Variants in THRAP3 observed in about 807,000 individuals in gnomAD.
THRAP3 encodes thyroid hormone receptor associated protein 3, also known as thyroid hormone receptor-associated protein 3.
In THRAP3, 16 loss-of-function variants were observed where a neutral mutation model predicts 101.0. That is an observed-to-expected ratio of 0.16 (90% CI 0.11 to 0.24). The LOEUF (loss-of-function observed/expected upper bound fraction) is 0.24, where lower values mean the gene tolerates loss of function less well. THRAP3 is among the 10% of genes least tolerant of loss of function. THRAP3 has a pLI of 1.00. For synonymous variants in THRAP3, 407 were observed against 422.6 expected, an observed-to-expected ratio of 0.96 and a Z score of 0.45; for missense variants, 989 against 1,202.7, an observed-to-expected ratio of 0.82 and a Z score of 2.63.
chr1:36,299,413 T>G (rs1277406160), intron 9 of THRAP3, among the ~76,000 whole-genome samples: 4 of 151,014 alleles, frequency 2.6e-5, no homozygotes, highest in Admixed American at 1.3e-4. Flanking sequence ...CACTCCAGCC[T>G]GGCGACAGAG....
chr1:36,211,624 G>A, the THRAP3 span, among the ~76,000 whole-genome samples: 1 of 152,118 alleles, frequency 6.6e-6, no homozygotes, highest in Non-Finnish European at 1.5e-5. Context: ...TATTCCTGAG[G>A]GTGGATACCC....
chr1:36,238,772 C>G (rs760517352), intron 1 of THRAP3, among the ~76,000 whole-genome samples: 1 of 151,242 alleles, frequency 6.6e-6, no homozygotes, highest in South Asian at 2.1e-4. Context: ...GTGGTGCAGT[C>G]ATAGCTTACT....
intron 2 of THRAP3, among the ~76,000 whole-genome samples, chr1:36,267,695 G>T (rs1353843992): frequency 9.4e-5 from 1 of 10,592 alleles, no homozygotes; most frequent in African/African-American, 1.2e-4. Context: ...TGATACTAGG[G>T]CTTGAAAGGA....
chr1:36,238,419 G>A (rs1256318970), intron 1 of THRAP3, among the ~76,000 whole-genome samples: 2 of 152,098 alleles, frequency 1.3e-5, no homozygotes, highest in Non-Finnish European at 1.5e-5. Context: ...TTTTTGATTC[G>A]TATCATTTTC....
chr1:36,221,429 G>A (rs1644902204), upstream of THRAP3, among the ~76,000 whole-genome samples: 1 of 151,864 alleles, frequency 6.6e-6, no homozygotes, highest in South Asian at 2.1e-4. Flanking sequence ...AAGAAAGGAA[G>A]AGTAAATGGA....
At chr1:36,207,993 A>G in the THRAP3 span, among the ~76,000 whole-genome samples, 1 of 152,134 alleles carries the variant, frequency 6.6e-6, no homozygotes, top group Non-Finnish European at 1.5e-5. Flanking sequence ...GGGTTTCGCC[A>G]TGTTGGCCCG....
chr1:36,239,263 T>C (rs866343229), intron 1 of THRAP3, among the ~76,000 whole-genome samples: 12,197 of 147,338 alleles, frequency 0.083, 699 homozygotes, highest in Middle Eastern at 0.23. Flanking sequence ...TGGTCTTTTT[T>C]TTTTTTTTTT....
At chr1:36,261,608 C>T (rs1645446824) in intron 2 of THRAP3, among the ~76,000 whole-genome samples, 2 of 152,068 alleles carry the variant, frequency 1.3e-5, no homozygotes, top group Non-Finnish European at 2.9e-5. Context: ...AAGGAAATCC[C>T]AGAGAGACGA....
At chr1:36,224,001 T>C (rs916705112), upstream of THRAP3, among the ~76,000 whole-genome samples, 3 of 152,020 alleles carry the variant, frequency 2.0e-5, no homozygotes, top group Non-Finnish European at 4.4e-5. Context: ...GAGGGATGAA[T>C]TTGCTCAAGG....
intron 1 of THRAP3, among the ~76,000 whole-genome samples, chr1:36,236,867 A>G (rs573014836): frequency 6.6e-6 from 1 of 152,100 alleles, no homozygotes; most frequent in African/African-American, 2.4e-5. Context: ...CATATATATA[A>G]CTTTGAGTTT....
At chr1:36,210,976 C>T in the THRAP3 span, among the ~76,000 whole-genome samples, 1 of 150,394 alleles carries the variant, frequency 6.6e-6, no homozygotes, top group East Asian at 2.0e-4. Context: ...CTCTGGGGGG[C>T]CGAGGAGGGA....
chr1:36,228,988 A>G (rs1303920201), intron 1 of THRAP3, among the ~76,000 whole-genome samples: 1 of 152,224 alleles, frequency 6.6e-6, no homozygotes, highest in African/African-American at 2.4e-5. Flanking sequence ...CGACAGAGCC[A>G]GACCCTGTCT....
chr1:36,255,271 A>G (rs775355915), intron 1 of THRAP3, among the ~76,000 whole-genome samples: 23 of 152,308 alleles, frequency 1.5e-4, no homozygotes, highest in Middle Eastern at 3.4e-3. Flanking sequence ...TTAAAGGACT[A>G]TCTTTGGCCT....
rs1042982691 is a variant in THRAP3, at chr1:36,229,123, A to G, written c.-135+4618A>G. On this transcript the variant is annotated intron_variant, in intron 1 of 11. Coordinates refer to ENST00000354618, the MANE Select transcript of THRAP3 (RefSeq NM_005119.4). ...AATTTTTTTTTATTTTTTGAGATGG[A>G]GCCTCGCTCTGTTGCCCAGGTTGGA... Among the ~76,000 whole-genome samples, 69 of 152,154 alleles carry G rather than the reference A, an allele frequency of 4.5e-4. 1 individual carries two copies. The Middle Eastern group carries it at 0.01, about 23-fold the overall frequency.
At position 36,305,182 on chromosome 1, in the gene THRAP3, TC is replaced by T. The variant is rs532867924; in HGVS notation, c.*1172del. On this transcript the variant is annotated 3_prime_UTR_variant, in exon 12 of 12. Transcript: ENST00000354618. ...GTTATATGCGGACTGCACCCACCTC[TC>T]CCCCCCAGCCTTTGCCTCTTGCGTT... The T allele has an allele frequency of 1.7e-4, 37 of 220,830 alleles. 1 individual carries two copies. The East Asian group carries it at 2.1e-3, about 12-fold the overall frequency. 13.7% of individuals were successfully genotyped at this position (220,830 alleles called of 1,614,324 possible). A position where few individuals can be genotyped will look rare whatever the true frequency, so the allele number is the denominator to read the frequency against.
At chr1:36,283,585 A>G (rs911344216) in intron 3 of THRAP3, among the ~76,000 whole-genome samples, 1 of 151,926 alleles carries the variant, frequency 6.6e-6, no homozygotes, top group Non-Finnish European at 1.5e-5. Flanking sequence ...TAGCAAGGAG[A>G]TGATTTGTCA....
intron 2 of THRAP3, among the ~76,000 whole-genome samples, chr1:36,270,665 C>T (rs1434261608): frequency 1.4e-5 from 2 of 147,474 alleles, no homozygotes; most frequent in African/African-American, 5.0e-5. Flanking sequence ...GCAACCTCTG[C>T]CTCCTGGGCT....
At chr1:36,254,419 C>T (rs1243713216) in intron 1 of THRAP3, among the ~76,000 whole-genome samples, 1 of 152,146 alleles carries the variant, frequency 6.6e-6, no homozygotes, top group African/African-American at 2.4e-5. Flanking sequence ...TCACACTGTG[C>T]CTTAAAAGGG....
chr1:36,243,803 C>CT (rs1553192791), intron 1 of THRAP3, among the ~76,000 whole-genome samples: 1 of 138,078 alleles, frequency 7.2e-6, no homozygotes, highest in Non-Finnish European at 1.6e-5. Flanking sequence ...ACCTCCCGGA[C>CT]GGGCGGCTGG....
Sources: allele counts gnomAD v4.1 joint callset (sites outside exome capture counted in the v4.1 genomes callset), GRCh38; gene constraint gnomAD v4.1.1; transcripts MANE v1.5; gene names NCBI Gene and HGNC (gene_info 2026-07-23, HGNC 2026-07-21).